TANGO6: variants seen among roughly 807,000 people sequenced by gnomAD.
The protein encoded by TANGO6 is transport and Golgi organization protein 6 homolog.
TANGO6 carries 90 observed loss-of-function variants against 114.2 expected under a neutral mutation model. That is an observed-to-expected ratio of 0.79 (90% CI 0.66 to 0.94). The LOEUF (loss-of-function observed/expected upper bound fraction) is 0.94, where lower values mean the gene tolerates loss of function less well. Among genes scored for constraint, TANGO6 ranks in the 40% least tolerant of loss-of-function variants. TANGO6 has a pLI of 0.00. For missense variants in TANGO6, 1,274 were observed against 1,315.3 expected (o/e 0.97, Z 0.49); for synonymous variants, 477 against 509.8 (o/e 0.94, Z 0.87).
intron 16 of TANGO6, among the ~76,000 whole-genome samples, chr16:69,027,912 C>G (rs1959531301): frequency 6.6e-6 from 1 of 152,064 alleles, no homozygotes; most frequent in Non-Finnish European, 1.5e-5. Context: ...TCCCAGGTAG[C>G]TGGGATTACA....
At position 69,062,700 on chromosome 16, in the gene TANGO6, T is replaced by C. The variant is rs1483362626; in HGVS notation, c.3109-20785T>C. 4.0e-5 allele frequency among the ~76,000 whole-genome samples: 6 copies of C among 148,702 alleles called. No individual in the cohort carries two copies. The Admixed American group carries it at 4.1e-4, about 10-fold the overall frequency. Reference sequence around the variant, plus strand: ...GTGGGCGAGGCTGGTCTGGAACCACTGACCTCGCGTGATCCACCCACCTCG... The same window carrying C: ...GTGGGCGAGGCTGGTCTGGAACCACCGACCTCGCGTGATCCACCCACCTCG... On this transcript the variant is annotated intron_variant, in intron 17 of 17. Transcript: ENST00000261778.
intron 15 of TANGO6, among the ~76,000 whole-genome samples, chr16:69,020,614 G>A (rs1959384602): frequency 6.6e-6 from 1 of 152,150 alleles, no homozygotes; most frequent in Admixed American, 6.6e-5. Flanking sequence ...TCATCATTTG[G>A]TGATTAAAAA....
intron 1 of TANGO6, among the ~76,000 whole-genome samples, chr16:68,848,831 A>C (rs1179097904): frequency 6.6e-6 from 1 of 152,048 alleles, no homozygotes; most frequent in Non-Finnish European, 1.5e-5. Context: ...TTCTTAATCA[A>C]ATTTCCCATT....
intron 15 of TANGO6, among the ~76,000 whole-genome samples, chr16:69,018,448 G>A (rs913198097): frequency 6.6e-6 from 1 of 150,438 alleles, no homozygotes; most frequent in East Asian, 2.0e-4. Flanking sequence ...GCGCCCGGCC[G>A]GAAATCTCTT....
At chr16:69,025,474 A>T (rs908504817) in intron 16 of TANGO6, among the ~76,000 whole-genome samples, 3 of 152,216 alleles carry the variant, frequency 2.0e-5, no homozygotes, top group African/African-American at 7.2e-5. Context: ...TATGCAAAAA[A>T]GGTTAAAACA....
In TANGO6 at chr16:68,902,346, CTTA is replaced by C. The variant is rs759564735; in HGVS notation, c.1514_1516del (p.Leu505del). On this transcript the variant is annotated inframe_deletion, in exon 9 of 18. Coordinates refer to ENST00000261778, the MANE Select transcript of TANGO6 (RefSeq NM_024562.2). ...CTGCCAGGTCACTTTGCCAAGAAAT[CTTA>C]TTATGGATTCTGGGGAAGCTGGAAA... 1 of 1,610,000 alleles carries C rather than the reference CTTA, an allele frequency of 6.2e-7. No homozygotes were observed. Among genetic ancestry groups the C allele is most frequent in the Admixed American group, 1.7e-5 (1 of 59,094 alleles).
chr16:68,859,874 T>C lies in TANGO6; in HGVS notation c.95-10T>C, dbSNP rs368454610. 89 of 1,540,452 alleles carry C rather than the reference T, an allele frequency of 5.8e-5. No homozygotes were observed. Among genetic ancestry groups the C allele is most frequent in the Non-Finnish European group, 7.7e-5 (88 of 1,148,708 alleles). On this transcript the variant is annotated splice_polypyrimidine_tract_variant and intron_variant, in intron 1 of 17. Transcript: ENST00000261778. ...TGTGTATAAACTCTCCTTTTTTTCT[T>C]CTTCAAAAGGCTCGGGCTCAAGTTC...
At position 68,901,807 on chromosome 16, in the gene TANGO6, C is replaced by T. The variant is rs552673376; in HGVS notation, c.1491-521C>T. 5.3e-5 allele frequency among the ~76,000 whole-genome samples: 8 copies of T among 152,180 alleles called. No individual in the cohort carries two copies. In the South Asian group the frequency reaches 1.5e-3, roughly 28 times the overall value. On this transcript the variant is annotated intron_variant, in intron 8 of 17. Coordinates refer to ENST00000261778, the MANE Select transcript of TANGO6 (RefSeq NM_024562.2). ...CTGGCCTCTTGTTTTTGTTTTAAAACTCAAGTCCTCACAGCACTGTCATGT... is the reference window on the plus strand; with the variant it reads ...CTGGCCTCTTGTTTTTGTTTTAAAATTCAAGTCCTCACAGCACTGTCATGT...
At chr16:69,012,556 CAAAAAAAAAAA>C (rs1175561720) in intron 15 of TANGO6, among the ~76,000 whole-genome samples, 1 of 36,512 alleles carries the variant, frequency 2.7e-5, no homozygotes, top group Non-Finnish European at 5.0e-5. Flanking sequence ...AACTCTGTCT[CAAAAAAAAAAA>C]AAAAAAAAAA....
intron 1 of TANGO6, among the ~76,000 whole-genome samples, chr16:68,857,896 A>T (rs1323029499): frequency 6.6e-6 from 1 of 152,030 alleles, no homozygotes; most frequent in Non-Finnish European, 1.5e-5. Context: ...CTTTTTTGTG[A>T]TTTTATCAGG....
At chr16:68,928,234 A>G (rs991581282) in intron 13 of TANGO6, among the ~76,000 whole-genome samples, 151 bp downstream of exon 13, 9 of 151,892 alleles carry the variant, frequency 5.9e-5, no homozygotes, top group Non-Finnish European at 1.2e-4. Flanking sequence ...ACTTAGACAC[A>G]GGAAAGATTT....
intron 15 of TANGO6, among the ~76,000 whole-genome samples, chr16:69,011,791 C>G (rs1964145632): frequency 6.6e-6 from 1 of 152,186 alleles, no homozygotes; most frequent in Admixed American, 6.5e-5. Context: ...ATTTCAGATC[C>G]TTTCTGGAAG....
intron 15 of TANGO6, among the ~76,000 whole-genome samples, chr16:68,988,908 C>G (rs994940190): frequency 2.0e-5 from 3 of 152,028 alleles, no homozygotes; most frequent in African/African-American, 4.8e-5. Flanking sequence ...ACTCTGTCTT[C>G]CAGGCTAGAG....
intron 5 of TANGO6, among the ~76,000 whole-genome samples, chr16:68,876,095 G>A (rs1426730081): frequency 1.3e-4 from 20 of 151,762 alleles, no homozygotes; most frequent in Admixed American, 1.3e-3. Flanking sequence ...GTTAATGTAT[G>A]TATATATTAA....
chr16:69,002,079 A>G (rs1190337175), intron 15 of TANGO6, among the ~76,000 whole-genome samples: 1 of 152,192 alleles, frequency 6.6e-6, no homozygotes, highest in Non-Finnish European at 1.5e-5. Flanking sequence ...TCTACTTACA[A>G]TTCTTGGAGT....
intron 16 of TANGO6, among the ~76,000 whole-genome samples, chr16:69,029,378 A>T (rs16958582): frequency 0.01 from 1,524 of 152,332 alleles, 23 homozygotes; most frequent in African/African-American, 0.035. Context: ...CAAGATTGTT[A>T]CAAGACGTAT....
At chr16:68,880,199 C>T (rs540953346) in intron 6 of TANGO6, among the ~76,000 whole-genome samples, 6 of 151,956 alleles carry the variant, frequency 3.9e-5, no homozygotes, top group African/African-American at 7.2e-5. Context: ...ATTTCAAACT[C>T]GTGACTTTGT....
intron 14 of TANGO6, among the ~76,000 whole-genome samples, chr16:68,954,972 A>C (rs989254563): frequency 6.6e-6 from 1 of 152,228 alleles, no homozygotes; most frequent in African/African-American, 2.4e-5. Context: ...GAATGTTTTT[A>C]AAATTACATG....
intron 14 of TANGO6, among the ~76,000 whole-genome samples, chr16:68,954,752 A>C (rs1283897183): frequency 1.3e-5 from 2 of 152,218 alleles, no homozygotes; most frequent in Non-Finnish European, 2.9e-5. Flanking sequence ...TATGAAAAAC[A>C]TCCTAATTGC....
Sources: gnomAD v4.1 joint callset for allele counts (sites outside exome capture counted in the v4.1 genomes callset) on GRCh38, gnomAD v4.1.1 for gene constraint, MANE v1.5 for transcripts, NCBI Gene and HGNC (gene_info 2026-07-23, HGNC 2026-07-21) for gene names.